CDHR2: variants seen among roughly 807,000 people sequenced by gnomAD.
The protein encoded by CDHR2 is cadherin related family member 2.
CDHR2 carries 104 observed loss-of-function variants against 138.6 expected under a neutral mutation model. The observed-to-expected ratio is 0.75, with a 90% CI of 0.64 to 0.88. CDHR2 has a LOEUF of 0.88. CDHR2 is among the 40% of genes least tolerant of loss of function. CDHR2 has a pLI of 0.00. For missense variants in CDHR2, 1,624 were observed against 1,727.6 expected, an observed-to-expected ratio of 0.94 and a Z score of 1.06; for synonymous variants, 755 against 742.8, an observed-to-expected ratio of 1.02 and a Z score of -0.27.
Position 176,586,779 on chromosome 5 carries a change from G to T in CDHR2, c.2807-14G>T. 1 of 1,602,804 alleles carries T rather than the reference G, an allele frequency of 6.2e-7. No homozygotes were observed. ...TCCCGACCCCGCTGACCCCGTTCCC[G>T]TTCACACCTGCAGTGATCATCCCTG... On this transcript the variant is annotated splice_polypyrimidine_tract_variant and intron_variant, in intron 20 of 31. Transcript: ENST00000261944.
At chr5:176,545,569 C>T (rs562949223), upstream of CDHR2, among the ~76,000 whole-genome samples, 1 of 152,342 alleles carries the variant, frequency 6.6e-6, no homozygotes, top group Non-Finnish European at 1.5e-5. Flanking sequence ...GTGCTAAGTG[C>T]TGTCATGCAT....
In CDHR2 at chr5:176,574,088, G is replaced by T. The variant is rs764491243; in HGVS notation, c.411G>T (p.Leu137=). Residue 137 remains leucine (L), a synonymous_variant, in exon 7 of 32, where the codon CTG becomes CTT. Coordinates refer to ENST00000261944, the MANE Select transcript of CDHR2 (RefSeq NM_017675.6). ...TGACGAGTCCCTCCCTGCAGACCCT[G>T]CCCGTGGGCAGTGTGGTGTTCTCCG... The part of the protein sequence containing the change: ...TAFSTSINET[L]PVGSVVFSVL... The T allele has an allele frequency of 1.9e-6, 3 of 1,613,726 alleles. No individual in the cohort carries two copies. The East Asian group carries it at 6.7e-5, about 36-fold the overall frequency.
At chr5:176,544,887 C>T (rs994977067), upstream of CDHR2, among the ~76,000 whole-genome samples, 1 of 152,162 alleles carries the variant, frequency 6.6e-6, no homozygotes, top group African/African-American at 2.4e-5. Flanking sequence ...GGGTTGAATG[C>T]ATTCACACCA....
chr5:176,554,165 A>G (rs1474206251), intron 1 of CDHR2, among the ~76,000 whole-genome samples: 1 of 152,184 alleles, frequency 6.6e-6, no homozygotes, highest in African/African-American at 2.4e-5. Context: ...CAACTTCCCA[A>G]GGTTCCCCTG....
intron 6 of CDHR2, among the ~76,000 whole-genome samples, chr5:176,571,569 C>T (rs1162150744): frequency 6.6e-6 from 1 of 151,934 alleles, no homozygotes; most frequent in African/African-American, 2.4e-5. Flanking sequence ...CGGAGTCTCA[C>T]TCTGTTGCCC....
At chr5:176,549,667 G>A (rs564053122) in intron 1 of CDHR2, among the ~76,000 whole-genome samples, 1 of 152,276 alleles carries the variant, frequency 6.6e-6, no homozygotes, top group African/African-American at 2.4e-5. Context: ...AAGTCCTCAA[G>A]GGATGATTCT....
chr5:176,565,313 G>A (rs1222160176), intron 1 of CDHR2, 25 bp from the exon 2 acceptor site: 3 of 1,578,058 alleles, frequency 1.9e-6, no homozygotes, highest in Non-Finnish European at 2.6e-6. Flanking sequence ...GAGTCCAGGA[G>A]CCATTCCCTG....
intron 1 of CDHR2, among the ~76,000 whole-genome samples, chr5:176,554,359 G>A (rs1245736809): frequency 6.6e-6 from 1 of 152,226 alleles, no homozygotes; most frequent in Non-Finnish European, 1.5e-5. Context: ...GCCATAAGGT[G>A]AGGACAACCC....
chr5:176,588,585 G>C (rs1758744303), intron 21 of CDHR2, among the ~76,000 whole-genome samples: 1 of 141,942 alleles, frequency 7.0e-6, no homozygotes. Context: ...GTGTGTGTGA[G>C]GGTGTGTATG....
Position 176,578,581 on chromosome 5 carries a change from G to A in CDHR2, c.1791G>A (p.Glu597=), listed in dbSNP as rs778660627. 13 of 1,612,940 alleles carry A rather than the reference G, an allele frequency of 8.1e-6. No individual in the cohort carries two copies. The South Asian group carries it at 1.3e-4, about 16-fold the overall frequency. ...CCTACAACATCTTCGTCCAGGAGGA[G>A]GAGGGCAATGTCTCCGTGACCATCC... ...SGSYNIFVQE[E]EGNVSVTIQA... The change falls in exon 16 of 32, where the codon GAG becomes GAA. Residue 597 remains glutamate (E), a synonymous_variant. Transcript: ENST00000261944.
rs776429912 is a variant in CDHR2, at chr5:176,589,105, C to T, written c.2931C>T (p.Asp977=). ...TCCGAGTAGACTTCATCTCTAAGGA[C>T]GGGGCCACCATCCCTTTCCAGGGTG... ...SILRVDFISK[D]GATIPFQGVF... is the part of the protein sequence containing the mutation. The change falls in exon 22 of 32, where the codon GAC becomes GAT. Residue 977 remains aspartate, a synonymous_variant. Coordinates refer to ENST00000261944, the MANE Select transcript of CDHR2 (RefSeq NM_017675.6). 23 of 1,614,118 alleles carry T rather than the reference C, an allele frequency of 1.4e-5. No homozygotes were observed. The Admixed American group carries it at 2.5e-4, about 18-fold the overall frequency.
upstream of CDHR2, among the ~76,000 whole-genome samples, chr5:176,545,018 G>C (rs186081037): frequency 7.4e-4 from 112 of 152,334 alleles, no homozygotes; most frequent in African/African-American, 2.6e-3. Flanking sequence ...CCTAACTTCA[G>C]GGCAAGCTAA....
chr5:176,588,455 GGGT>G (rs1758731247), intron 21 of CDHR2, among the ~76,000 whole-genome samples: 2 of 140,284 alleles, frequency 1.4e-5, no homozygotes, highest in Non-Finnish European at 3.1e-5. Context: ...GAGTGTGAGA[GGGT>G]GTGTGAGTGT....
Position 176,584,426 on chromosome 5 carries a change from G to T in CDHR2, c.2145G>T (p.Val715=), listed in dbSNP as rs1758601880. The part of the protein sequence containing the change: ...KEEDPGVLVG[V]VKAWDADQTE... ...TGTCCACAGGAGTGCTAGTGGGCGT[G>T]GTGAAGGCCTGGGACGCGGACCAGA... is the stretch of plus-strand genomic sequence containing the variant. The change falls in exon 19 of 32, where the codon GTG becomes GTT. Residue 715 remains valine (V), a synonymous_variant. Coordinates refer to ENST00000261944, the MANE Select transcript of CDHR2 (RefSeq NM_017675.6). The T allele has an allele frequency of 6.3e-7, 1 of 1,598,726 alleles. No homozygotes were observed. Among genetic ancestry groups the T allele is most frequent in the African/African-American group, 1.3e-5 (1 of 74,878 alleles).
In CDHR2 at chr5:176,578,552, G is replaced by C; in HGVS notation, c.1762G>C (p.Gly588Arg). ...CAACGACAATGCACCCGTGGTTAGCGGCTCCTACAACATCTTCGTCCAGGA... is the reference window on the plus strand; with the variant it reads ...CAACGACAATGCACCCGTGGTTAGCCGCTCCTACAACATCTTCGTCCAGGA... ...DINDNAPVVS[G>R]SYNIFVQEEE... Residue 588 changes from glycine (G) to arginine (R), a missense_variant, in exon 16 of 32, where the codon GGC becomes CGC. Gly to Arg is a moderately radical substitution (Grantham distance 125). Around this residue, in one of 3 missense-constraint regions of CDHR2, gnomAD observed 1,061 missense variants for 1,136.6 expected, o/e 0.93. Coordinates refer to ENST00000261944, the MANE Select transcript of CDHR2 (RefSeq NM_017675.6). 4 of 1,614,008 alleles carry C rather than the reference G, an allele frequency of 2.5e-6. No individual in the cohort carries two copies. The highest frequency in any genetic ancestry group is 3.4e-6 in the Non-Finnish European group (4 of 1,180,024).
At chr5:176,545,631 C>A (rs1006432693), upstream of CDHR2, among the ~76,000 whole-genome samples, 2 of 152,178 alleles carry the variant, frequency 1.3e-5, no homozygotes, top group African/African-American at 4.8e-5. Context: ...GCATTAGGCC[C>A]ATTTTGGACA....
At chr5:176,551,420 T>C (rs1757703270) in intron 1 of CDHR2, among the ~76,000 whole-genome samples, 1 of 152,232 alleles carries the variant, frequency 6.6e-6, no homozygotes, top group South Asian at 2.1e-4. Flanking sequence ...ACAACAGTAG[T>C]GGCCGGAGGG....
At chr5:176,574,292 G>A in intron 7 of CDHR2, 120 bp downstream of exon 7, 11 of 745,082 alleles carry the variant, frequency 1.5e-5, no homozygotes, top group Middle Eastern at 2.6e-4. Context: ...CCCAGCCCTG[G>A]TCCCCAAACC....
At chr5:176,555,160 C>T (rs1476906426) in intron 1 of CDHR2, among the ~76,000 whole-genome samples, 1 of 152,224 alleles carries the variant, frequency 6.6e-6, no homozygotes, top group Admixed American at 6.5e-5. Flanking sequence ...TAAATAATCA[C>T]TCACGGTCAA....
Sources: gnomAD v4.1 joint callset for allele counts (sites outside exome capture counted in the v4.1 genomes callset) on GRCh38, gnomAD v4.1.1 for gene constraint, gnomAD v4.1.1 regional missense constraint, MANE v1.5 for transcripts, NCBI Gene and HGNC (gene_info 2026-07-23, HGNC 2026-07-21) for gene names.